Variants in DLG5 observed in about 807,000 individuals in gnomAD.
DLG5 encodes discs large MAGUK scaffold protein 5.
A neutral mutation model predicts 189.8 loss-of-function variants in DLG5; 48 were observed. The observed-to-expected ratio is 0.25, with a 90% confidence interval of 0.20 to 0.32. The LOEUF (loss-of-function observed/expected upper bound fraction) is 0.32. Among genes scored for constraint, DLG5 ranks in the 10% least tolerant of loss-of-function variants. The pLI, the probability that DLG5 is intolerant of heterozygous loss-of-function variation, is 1.00. For synonymous variants in DLG5, 1,016 were observed against 1,054.1 expected (o/e 0.96, Z 0.70); for missense variants, 2,160 against 2,544.7 (o/e 0.85, Z 3.25).
chr10:77,794,650 C>T (rs1840816826), intron 30 of DLG5, among the ~76,000 whole-genome samples, 199 bp downstream of exon 30: 1 of 152,216 alleles, frequency 6.6e-6, no homozygotes, highest in Non-Finnish European at 1.5e-5. Flanking sequence ...GAAGGGGCTG[C>T]GCTTGGCTGA....
chr10:77,844,604 C>A (rs753398538), intron 5 of DLG5, among the ~76,000 whole-genome samples: 1 of 152,176 alleles, frequency 6.6e-6, no homozygotes, highest in Non-Finnish European at 1.5e-5. Flanking sequence ...GCTGGTGATG[C>A]CAGACAGGAC....
chr10:77,806,173 T>C (rs1317449873), intron 26 of DLG5: 3 of 366,854 alleles, frequency 8.2e-6, no homozygotes, highest in African/African-American at 2.1e-5. Flanking sequence ...TTACGCTTCC[T>C]GCCATAGAAG....
chr10:77,893,513 C>T (rs1210994686), intron 1 of DLG5, among the ~76,000 whole-genome samples: 2 of 152,208 alleles, frequency 1.3e-5, no homozygotes, highest in South Asian at 2.1e-4. Flanking sequence ...GGGTTGGGGG[C>T]ACGGCAAAGG....
At chr10:77,855,598 C>T (rs1198842802) in intron 3 of DLG5, among the ~76,000 whole-genome samples, 1 of 152,264 alleles carries the variant, frequency 6.6e-6, no homozygotes, top group Non-Finnish European at 1.5e-5. Flanking sequence ...ATTTATAAAA[C>T]AGGCAGTGGG....
In DLG5 at chr10:77,822,072, G is replaced by C. The variant is rs375644011; in HGVS notation, c.2412C>G (p.Gly804=). The part of the protein sequence containing the change: ...KVFPQSSSWS[G]QNIFENIKDS... ...CTTTGATATTTTCAAAAATGTTCTG[G>C]CCACTCCACGAGGAGCTCTGAGGGA... The change falls in exon 15 of 32, where the codon GGC becomes GGG. Residue 804 remains glycine, a synonymous_variant. Coordinates refer to ENST00000372391, the MANE Select transcript of DLG5 (RefSeq NM_004747.4). 1.1e-4 allele frequency: 178 copies of C among 1,613,800 alleles called. No homozygotes were observed. The highest frequency in any genetic ancestry group is 1.4e-4 in the Non-Finnish European group (161 of 1,179,932).
At chr10:77,859,200 G>A (rs1347046331) in intron 2 of DLG5, among the ~76,000 whole-genome samples, 2 of 152,180 alleles carry the variant, frequency 1.3e-5, no homozygotes, top group Admixed American at 1.3e-4. Flanking sequence ...TTTAAGCTAA[G>A]TGTTATTACA....
chr10:77,812,270 G>A lies in DLG5; in HGVS notation c.4133C>T (p.Thr1378Ile), dbSNP rs368238245. 2.5e-6 allele frequency: 4 copies of A among 1,614,052 alleles called. No individual in the cohort carries two copies. The African/African-American group carries it at 5.3e-5, about 22-fold the overall frequency. ...AGCCTGGTGAGCGATGCTCCCCACGGTCACCTTGGAGACGTAGATGCCGCC... is the reference window on the plus strand; with the variant it reads ...AGCCTGGTGAGCGATGCTCCCCACGATCACCTTGGAGACGTAGATGCCGCC... The part of the protein sequence containing the change: ...EKGGIYVSKV[T>I]VGSIAHQAGL... Residue 1378 changes from threonine to isoleucine, a missense_variant, in exon 21 of 32, where the codon ACC becomes ATC. Around this residue, in one of 5 missense-constraint regions of DLG5, gnomAD observed 61 missense variants for 101.0 expected, o/e 0.60. Coordinates refer to ENST00000372391, the MANE Select transcript of DLG5 (RefSeq NM_004747.4).
chr10:77,888,124 A>G (rs767389113), intron 1 of DLG5, among the ~76,000 whole-genome samples: 4 of 152,126 alleles, frequency 2.6e-5, no homozygotes, highest in Non-Finnish European at 5.9e-5. Flanking sequence ...TTGTTCTTTC[A>G]TTTTGAGAGC....
At chr10:77,893,005 G>A (rs903551952) in intron 1 of DLG5, among the ~76,000 whole-genome samples, 1 of 152,206 alleles carries the variant, frequency 6.6e-6, no homozygotes, top group Non-Finnish European at 1.5e-5. Context: ...GCAGGGACAG[G>A]GCACCCCCAG....
chr10:77,802,383 C>T (rs1460980669), intron 27 of DLG5, among the ~76,000 whole-genome samples: 1 of 152,210 alleles, frequency 6.6e-6, no homozygotes, highest in African/African-American at 2.4e-5. Flanking sequence ...CATTTTCAGA[C>T]ACAAACACTG....
At position 77,794,908 on chromosome 10, in the gene DLG5, G is replaced by T; in HGVS notation, c.5487C>A (p.His1829Gln). 6.2e-7 allele frequency: 1 copy of T among 1,614,056 alleles called. No individual in the cohort carries two copies. The change falls in exon 30 of 32, where the codon CAC (histidine) becomes CAA (glutamine). Residue 1829 changes from histidine (H) to glutamine (Q), a missense_variant. Physicochemically the swap from His to Gln is conservative, Grantham distance 24 (BLOSUM62 0). Around this residue, in one of 5 missense-constraint regions of DLG5, gnomAD observed 574 missense variants for 644.2 expected, o/e 0.89. Coordinates refer to ENST00000372391, the MANE Select transcript of DLG5 (RefSeq NM_004747.4). Reference protein sequence around the residue: ...DIAPHAIERLHHMHIYPIVIF... With the variant: ...DIAPHAIERLQHMHIYPIVIF... Reference sequence around the variant, plus strand: ...TGACAATGGGGTAGATGTGCATGTGGTGGAGCCGCTCAATAGCGTGCGGAG... The same window carrying T: ...TGACAATGGGGTAGATGTGCATGTGTTGGAGCCGCTCAATAGCGTGCGGAG...
chr10:77,897,273 T>A (rs1845789190), intron 1 of DLG5, among the ~76,000 whole-genome samples: 1 of 151,944 alleles, frequency 6.6e-6, no homozygotes. Context: ...GGAGAATAGC[T>A]TGAACCTGGG....
intron 1 of DLG5, among the ~76,000 whole-genome samples, chr10:77,891,912 C>G (rs1404685181): frequency 6.6e-6 from 1 of 152,206 alleles, no homozygotes; most frequent in African/African-American, 2.4e-5. Flanking sequence ...AAAGGGGGAA[C>G]CCTCAGGGAT....
intron 31 of DLG5, among the ~76,000 whole-genome samples, chr10:77,793,368 C>T (rs1301611945): frequency 6.6e-6 from 1 of 152,118 alleles, no homozygotes; most frequent in East Asian, 1.9e-4. Context: ...TAACACTCTC[C>T]ACAATGCAGT....
At position 77,792,413 on chromosome 10, in the gene DLG5, T is replaced by G. The variant is rs1221242761; in HGVS notation, c.*27A>C. 6.2e-7 allele frequency: 1 copy of G among 1,607,920 alleles called. No individual in the cohort carries two copies. ...TCTGGTGTCCCCTCAGGCGGCCAGC[T>G]GCAGTCATCCACAGCACAGCATTCT... On this transcript the variant is annotated 3_prime_UTR_variant, in exon 32 of 32. Transcript: ENST00000372391.
intron 18 of DLG5, among the ~76,000 whole-genome samples, chr10:77,817,390 G>A (rs945990789): frequency 4.6e-5 from 7 of 152,172 alleles, no homozygotes; most frequent in Non-Finnish European, 1.0e-4. Flanking sequence ...CAGCGCCAGA[G>A]TTCCCCAAGA....
At chr10:77,848,192 C>CCCT (rs1489930604) in intron 5 of DLG5, among the ~76,000 whole-genome samples, 1 of 152,130 alleles carries the variant, frequency 6.6e-6, no homozygotes, top group Non-Finnish European at 1.5e-5. Context: ...AAGAGACCAA[C>CCCT]CCTCCTACCT....
rs1840919106 is a variant in DLG5 at position 77,796,318 on chromosome 10, C to T, written c.5309-130G>A. On this transcript the variant is annotated intron_variant, in intron 28 of 31. Transcript: ENST00000372391. The surrounding 1 kb of genome is among the most constrained non-coding windows in gnomAD (Gnocchi z 5.2). ...TGCCATGCATGAATCTGACCCATGT[C>T]AGCAGGCTTCTGGAACACTGTGAAA... is the stretch of plus-strand genomic sequence containing the variant. The T allele has an allele frequency of 1.9e-6, 3 of 1,583,826 alleles. No homozygotes were observed. The African/African-American group carries it at 4.0e-5, about 21-fold the overall frequency.
Position 77,835,923 on chromosome 10 carries a change from C to G in DLG5, c.1438-1G>C, listed in dbSNP as rs1296413016. 6.2e-7 allele frequency: 1 copy of G among 1,610,526 alleles called. No homozygotes were observed. Among genetic ancestry groups the G allele is most frequent in the Non-Finnish European group, 8.5e-7 (1 of 1,177,178 alleles). On this transcript the variant is annotated splice_acceptor_variant, in intron 7 of 31. Coordinates refer to ENST00000372391, the MANE Select transcript of DLG5 (RefSeq NM_004747.4). LOFTEE classifies it high-confidence loss of function. ...CATCCATTGTCACCGTGTCTTTGAT[C>G]TGGTGGGAGCAAGGGGCAGGAAGAG...
Sources: allele counts gnomAD v4.1 joint callset (sites outside exome capture counted in the v4.1 genomes callset), GRCh38; gene constraint gnomAD v4.1.1; regional missense constraint gnomAD v4.1.1; non-coding constraint Gnocchi (gnomAD v3.1); transcripts MANE v1.5; gene names NCBI Gene and HGNC (gene_info 2026-07-23, HGNC 2026-07-21).